Variants in SLC5A12 observed in about 807,000 individuals in gnomAD.
SLC5A12 encodes sodium-coupled monocarboxylate transporter 2.
SLC5A12 carries 46 observed loss-of-function variants against 72.7 expected under a neutral mutation model. The ratio of observed to expected loss-of-function variants is 0.63; its 90% confidence interval spans 0.50 to 0.81. SLC5A12 has a LOEUF of 0.81. SLC5A12 is among the 30% of genes least tolerant of loss of function. The pLI, the probability that SLC5A12 is intolerant of heterozygous loss-of-function variation, is 0.00. For synonymous variants in SLC5A12, 275 were observed against 264.4 expected (o/e 1.04, Z -0.39); for missense variants, 683 against 740.7 (o/e 0.92, Z 0.90).
rs1410127948 is a variant in SLC5A12 at position 26,698,491 on chromosome 11, C to T, written c.866G>A (p.Cys289Tyr). ...CATGATTAAGCCAGAGAAGACAGCA[C>T]ACACCAGAATGATCCAGAGACCCAG... ...NLLGLWIILV[C>Y]AVFSGLIMYS... Residue 289 changes from cysteine to tyrosine, a missense_variant, in exon 7 of 15, where the codon TGT becomes TAT. Coordinates refer to ENST00000396005, the MANE Select transcript of SLC5A12 (RefSeq NM_178498.4). The T allele has an allele frequency of 1.9e-6, 3 of 1,614,016 alleles. No individual in the cohort carries two copies. The highest frequency in any genetic ancestry group is 1.7e-5 in the Admixed American group (1 of 60,022).
intron 8 of SLC5A12, among the ~76,000 whole-genome samples, chr11:26,693,945 G>C (rs1854745778): frequency 6.6e-6 from 1 of 152,098 alleles, no homozygotes; most frequent in Non-Finnish European, 1.5e-5. Flanking sequence ...AAGGAGAGAA[G>C]GGGATTAAAT....
rs1393503167 is a variant in SLC5A12, at chr11:26,721,381, A to G, written c.334T>C (p.Tyr112His). The change falls in exon 1 of 15, where the codon TAT (tyrosine) becomes CAT (histidine). Residue 112 changes from tyrosine to histidine, a missense_variant. Coordinates refer to ENST00000396005, the MANE Select transcript of SLC5A12 (RefSeq NM_178498.4). ...VFYRSGITST[Y>H]EYLQLRFNKP... Reference sequence around the variant, plus strand: ...GAATGGAGAAATCATCTTACCTCATAAGTGCTGGTGATACCAGATCTGTAG... The same window carrying G: ...GAATGGAGAAATCATCTTACCTCATGAGTGCTGGTGATACCAGATCTGTAG... 9 of 1,593,286 alleles carry G rather than the reference A, an allele frequency of 5.6e-6. No homozygotes were observed. The highest frequency in any genetic ancestry group is 7.7e-6 in the Non-Finnish European group (9 of 1,169,464).
chr11:26,700,560 T>C (rs892668576), intron 6 of SLC5A12, among the ~76,000 whole-genome samples: 2 of 149,260 alleles, frequency 1.3e-5, no homozygotes, highest in East Asian at 1.9e-4. Flanking sequence ...CTGATAGAGA[T>C]ATGGGGAAAA....
At chr11:26,683,708 TG>T in intron 11 of SLC5A12, 48 bp downstream of exon 11, 1 of 1,473,242 alleles carries the variant, frequency 6.8e-7, no homozygotes, top group Non-Finnish European at 9.3e-7. Context: ...AGAAAACGGC[TG>T]GGCCCAGTTT....
intron 7 of SLC5A12, 63 bp downstream of exon 7, chr11:26,698,343 C>T (rs2133184817): frequency 1.9e-6 from 3 of 1,575,472 alleles, no homozygotes; most frequent in South Asian, 1.2e-5. Context: ...CCAAGATTAT[C>T]CACCAATAGC....
chr11:26,678,603 G>T, intron 13 of SLC5A12, 109 bp downstream of exon 13: 3 of 769,288 alleles, frequency 3.9e-6, no homozygotes, highest in Non-Finnish European at 4.3e-6. Flanking sequence ...TGGGAAGAAG[G>T]GTTTTTGTGG....
rs941937831 is a variant in SLC5A12 at position 26,703,449 on chromosome 11, C to T, written c.821+82G>A. On this transcript the variant is annotated intron_variant, in intron 6 of 14. Coordinates refer to ENST00000396005, the MANE Select transcript of SLC5A12 (RefSeq NM_178498.4). The stretch of plus-strand genomic sequence containing the variant: ...ATACACACACACACACACACACACC[C>T]CCCAAGAGGAAGTATTAATATATAA... The T allele has an allele frequency of 3.8e-6, 5 of 1,332,206 alleles. No individual in the cohort carries two copies. The African/African-American group carries it at 1.1e-4, about 30-fold the overall frequency. The allele number at this position is 1,332,206 out of a possible 1,614,324, so 82.5% of individuals were successfully genotyped here. A position where few individuals can be genotyped will look rare whatever the true frequency, so the allele number is the denominator to read the frequency against.
chr11:26,686,412 G>T, intron 10 of SLC5A12, 65 bp downstream of exon 10: 1 of 1,424,302 alleles, frequency 7.0e-7, no homozygotes, highest in Non-Finnish European at 9.9e-7. Flanking sequence ...GAAGAAGCAA[G>T]ACATTAAAAG....
intron 8 of SLC5A12, among the ~76,000 whole-genome samples, chr11:26,694,581 C>T (rs763556668): frequency 6.6e-6 from 1 of 151,970 alleles, no homozygotes; most frequent in Admixed American, 6.6e-5. Context: ...GCTATTGATG[C>T]AAAATTCTAA....
chr11:26,706,856 A>G (rs1385175274), intron 4 of SLC5A12, among the ~76,000 whole-genome samples: 1 of 150,284 alleles, frequency 6.7e-6, no homozygotes, highest in Admixed American at 6.7e-5. Flanking sequence ...ACAATAATAT[A>G]AAACATTTAA....
chr11:26,714,871 T>A (rs1411790224), intron 1 of SLC5A12, among the ~76,000 whole-genome samples: 1 of 152,112 alleles, frequency 6.6e-6, no homozygotes, highest in Non-Finnish European at 1.5e-5. Context: ...AAAACCACCT[T>A]ATTTTCAGGT....
chr11:26,684,329 A>G (rs1260289008), intron 10 of SLC5A12, among the ~76,000 whole-genome samples: 1 of 152,114 alleles, frequency 6.6e-6, no homozygotes. Context: ...CTTACCCAGC[A>G]TCAATACTTA....
intron 8 of SLC5A12, among the ~76,000 whole-genome samples, chr11:26,695,454 A>G (rs920744091): frequency 2.6e-5 from 4 of 152,156 alleles, no homozygotes; most frequent in Admixed American, 1.3e-4. Context: ...TACTAAAACC[A>G]TAAGTATACT....
Position 26,686,554 on chromosome 11 carries a change from A to C in SLC5A12, c.1154-10T>G, listed in dbSNP as rs1326962358. The stretch of plus-strand genomic sequence containing the variant: ...ACGCCAAATAAGAGACCTGAAAGAA[A>C]GAAAAATTACAATCATAATTTCCTG... On this transcript the variant is annotated splice_polypyrimidine_tract_variant and intron_variant, in intron 9 of 14. Coordinates refer to ENST00000396005, the MANE Select transcript of SLC5A12 (RefSeq NM_178498.4). The C allele has an allele frequency of 3.1e-6, 5 of 1,613,416 alleles. No individual in the cohort carries two copies. Among genetic ancestry groups the C allele is most frequent in the Non-Finnish European group, 4.2e-6 (5 of 1,179,444 alleles).
At chr11:26,685,691 CT>C (rs1213560797) in intron 10 of SLC5A12, among the ~76,000 whole-genome samples, 1 of 152,060 alleles carries the variant, frequency 6.6e-6, no homozygotes, top group Non-Finnish European at 1.5e-5. Context: ...TGAATATGTG[CT>C]TATCTGATGC....
At chr11:26,722,961 G>A (rs928695857), upstream of SLC5A12, among the ~76,000 whole-genome samples, 1 of 151,122 alleles carries the variant, frequency 6.6e-6, no homozygotes, top group Non-Finnish European at 1.5e-5. Context: ...TACTCATTTT[G>A]TACTCAGCCA....
intron 2 of SLC5A12, among the ~76,000 whole-genome samples, chr11:26,711,610 T>C (rs553238722): frequency 6.6e-6 from 1 of 152,220 alleles, no homozygotes; most frequent in South Asian, 2.1e-4. Context: ...TGGTTATATT[T>C]TGTATATCTC....
At chr11:26,701,479 A>G (rs922089742) in intron 6 of SLC5A12, among the ~76,000 whole-genome samples, 1 of 152,152 alleles carries the variant, frequency 6.6e-6, no homozygotes, top group Admixed American at 6.5e-5. Flanking sequence ...TTTCATACTC[A>G]CTAAATACTA....
At chr11:26,696,943 A>G (rs1854831280) in intron 8 of SLC5A12, among the ~76,000 whole-genome samples, 1 of 152,134 alleles carries the variant, frequency 6.6e-6, no homozygotes, top group African/African-American at 2.4e-5. Flanking sequence ...ACCATAGGTA[A>G]TTTTTCTATC....
Sources: allele counts gnomAD v4.1 joint callset (sites outside exome capture counted in the v4.1 genomes callset), GRCh38; gene constraint gnomAD v4.1.1; transcripts MANE v1.5; gene names NCBI Gene and HGNC (gene_info 2026-07-23, HGNC 2026-07-21).